The following AK4 variants were observed in gnomAD, a reference collection of about 807,000 sequenced individuals.
AK4 encodes adenylate kinase 4, mitochondrial.
AK4 carries 13 observed loss-of-function variants against 24.6 expected under a neutral mutation model. The ratio of observed to expected loss-of-function variants is 0.53; its 90% confidence interval spans 0.34 to 0.84. The LOEUF (loss-of-function observed/expected upper bound fraction) is 0.84. Ranked by LOEUF, AK4 falls within the 40% of genes least tolerant of loss-of-function variation. The pLI, the probability that AK4 is intolerant of heterozygous loss-of-function variation, is 0.01. For missense variants in AK4, 192 were observed against 288.2 expected, an observed-to-expected ratio of 0.67 and a Z score of 2.42; for synonymous variants, 88 against 107.0, an observed-to-expected ratio of 0.82 and a Z score of 1.10.
chr1:65,200,372 C>A (rs187193647), intron 2 of AK4, among the ~76,000 whole-genome samples: 1 of 152,278 alleles, frequency 6.6e-6, no homozygotes, highest in African/African-American at 2.4e-5. Flanking sequence ...ACCTCAGCCT[C>A]CCAAAGTGCT....
At chr1:65,152,398 T>A (rs1434364975) in intron 1 of AK4, among the ~76,000 whole-genome samples, 13 of 78,232 alleles carry the variant, frequency 1.7e-4, no homozygotes, top group African/African-American at 6.0e-4. Flanking sequence ...TTTTTTTTTT[T>A]TTTTTTTTTT....
At chr1:65,167,549 G>T (rs556124319) in intron 1 of AK4, among the ~76,000 whole-genome samples, 1 of 150,724 alleles carries the variant, frequency 6.6e-6, no homozygotes, top group African/African-American at 2.4e-5. Context: ...CAAAAAAAAT[G>T]CAAGATCTCC....
At chr1:65,193,132 G>A (rs1338037761) in intron 2 of AK4, among the ~76,000 whole-genome samples, 1 of 152,194 alleles carries the variant, frequency 6.6e-6, no homozygotes, top group Admixed American at 6.5e-5. Context: ...GTCTGCAGTG[G>A]CTCTGTTCTG....
chr1:65,198,121 G>A (rs7553495), intron 2 of AK4, among the ~76,000 whole-genome samples: 4,426 of 152,092 alleles, frequency 0.029, 179 homozygotes, highest in South Asian at 0.1. Context: ...ATATTTAGCC[G>A]TGAAAAATCA....
At chr1:65,158,050 A>G (rs987201328) in intron 1 of AK4, among the ~76,000 whole-genome samples, 2 of 152,174 alleles carry the variant, frequency 1.3e-5, no homozygotes, top group South Asian at 2.1e-4. Context: ...TTCTATTATC[A>G]TTTTAGTCCG....
At chr1:65,156,543 C>A (rs1315410557) in intron 1 of AK4, among the ~76,000 whole-genome samples, 1 of 152,048 alleles carries the variant, frequency 6.6e-6, no homozygotes. Context: ...GCCTCAGGTC[C>A]TTTTTAACAC....
chr1:65,190,555 A>C (rs1208457173), intron 1 of AK4, among the ~76,000 whole-genome samples, 155 bp from the exon 2 acceptor site: 1 of 152,080 alleles, frequency 6.6e-6, no homozygotes, highest in African/African-American at 2.4e-5. Flanking sequence ...CACCTTATTG[A>C]CGTGAATATT....
At position 65,153,119 on chromosome 1, in the gene AK4, T is replaced by C. The variant is rs145800803; in HGVS notation, c.145+4567T>C. Among the ~76,000 whole-genome samples, 661 of 152,320 alleles carry C rather than the reference T, an allele frequency of 4.3e-3. 5 individuals are homozygous for C. Among genetic ancestry groups the C allele is most frequent in the Non-Finnish European group, 7.1e-3 (481 of 68,026 alleles). Reference sequence around the variant, plus strand: ...CTCTCCAGTCCAAAGGTCCACTCCATATCCACTTATTGTTGCTTTTTTGGT... The same window carrying C: ...CTCTCCAGTCCAAAGGTCCACTCCACATCCACTTATTGTTGCTTTTTTGGT... On this transcript the variant is annotated intron_variant, in intron 1 of 4. Coordinates refer to ENST00000327299, the MANE Select transcript of AK4 (RefSeq NM_013410.4).
rs1023287986 is a variant in AK4, at chr1:65,148,785, G to T, written c.145+233G>T. 3.9e-5 allele frequency among the ~76,000 whole-genome samples: 6 copies of T among 152,126 alleles called. 1 individual carries two copies. Among genetic ancestry groups the T allele is most frequent in the Admixed American group, 3.9e-4 (6 of 15,282 alleles). On this transcript the variant is annotated intron_variant, in intron 1 of 4. Coordinates refer to ENST00000327299, the MANE Select transcript of AK4 (RefSeq NM_013410.4). ...GAGGTGCCCACGGCTCCTCTCCACC[G>T]CTCCTCCTGTCGCGAGGAATAGCCC...
chr1:65,148,170 T>A, upstream of AK4: 1 of 787,412 alleles, frequency 1.3e-6, no homozygotes, highest in Non-Finnish European at 1.8e-6. Flanking sequence ...GGCGAGGAGG[T>A]GGAGAAGGGC....
chr1:65,170,901 T>C (rs188052481), intron 1 of AK4, among the ~76,000 whole-genome samples: 8 of 152,078 alleles, frequency 5.3e-5, no homozygotes, highest in Admixed American at 4.6e-4. Context: ...GCTAGGTGTC[T>C]CCTTGTTAGG....
chr1:65,212,993 G>A (rs1570135242), intron 2 of AK4, among the ~76,000 whole-genome samples: 1 of 152,372 alleles, frequency 6.6e-6, no homozygotes, highest in South Asian at 2.1e-4. Context: ...TGGAAGCCAT[G>A]TAGTCCAGCT....
At chr1:65,183,569 A>T (rs956360892) in intron 1 of AK4, among the ~76,000 whole-genome samples, 2 of 151,700 alleles carry the variant, frequency 1.3e-5, no homozygotes, top group Non-Finnish European at 2.9e-5. Flanking sequence ...TTTGAGAGTC[A>T]TTCAGTCCCT....
At chr1:65,194,020 G>A (rs1014330087) in intron 2 of AK4, among the ~76,000 whole-genome samples, 1 of 152,218 alleles carries the variant, frequency 6.6e-6, no homozygotes, top group Non-Finnish European at 1.5e-5. Flanking sequence ...TAGCCTGAGA[G>A]GTTGAGGCAG....
At chr1:65,194,705 G>A (rs562646298) in intron 2 of AK4, among the ~76,000 whole-genome samples, 61 of 152,252 alleles carry the variant, frequency 4.0e-4, no homozygotes, top group African/African-American at 1.3e-3. Context: ...CAGATGATCC[G>A]CCCACCTCGG....
rs961028723 is a variant in AK4, at chr1:65,224,934, G to A, written c.557+64G>A. On this transcript the variant is annotated intron_variant, in intron 4 of 4. Coordinates refer to ENST00000327299, the MANE Select transcript of AK4 (RefSeq NM_013410.4). ...TGGAAAGGTGTGGAGCCTGCTGGGAGGAACACGGGGCTGAGGCAGAGTAGT... is the reference window on the plus strand; with the variant it reads ...TGGAAAGGTGTGGAGCCTGCTGGGAAGAACACGGGGCTGAGGCAGAGTAGT... 1.3e-5 allele frequency: 17 copies of A among 1,277,690 alleles called. 3 individuals are homozygous for A. The highest frequency in any genetic ancestry group is 1.1e-6 in the Non-Finnish European group (1 of 881,104). The allele number at this position is 1,277,690 out of a possible 1,614,324, so 79.1% of individuals were successfully genotyped here. A position where few individuals can be genotyped will look rare whatever the true frequency, so the allele number is the denominator to read the frequency against.
intron 2 of AK4, among the ~76,000 whole-genome samples, chr1:65,215,779 T>C (rs1338105683): frequency 6.6e-6 from 1 of 152,232 alleles, no homozygotes; most frequent in African/African-American, 2.4e-5. Context: ...CTGAGCAGAC[T>C]GGCTTGTTAC....
At position 65,218,831 on chromosome 1, in the gene AK4, C is replaced by G. The variant is rs1437840917; in HGVS notation, c.343C>G (p.Pro115Ala). 6.2e-7 allele frequency: 1 copy of G among 1,607,050 alleles called. No homozygotes were observed. The highest frequency in any genetic ancestry group is 8.5e-7 in the Non-Finnish European group (1 of 1,176,708). Residue 115 changes from proline (P) to alanine (A), a missense_variant, in exon 3 of 5, where the codon CCA (proline) becomes GCA (alanine). By Grantham distance (27) the Pro-to-Ala change is conservative. Coordinates refer to ENST00000327299, the MANE Select transcript of AK4 (RefSeq NM_013410.4). ...GGATCTAGTGATCAGTTTGAATATT[C>G]CATTTGAAACACTTAAAGATCGTCT... ...EVDLVISLNI[P>A]FETLKDRLSR...
intron 2 of AK4, among the ~76,000 whole-genome samples, chr1:65,204,877 T>C (rs1651768394): frequency 2.0e-5 from 3 of 152,236 alleles, no homozygotes; most frequent in South Asian, 4.1e-4. Flanking sequence ...CACTGGTTCT[T>C]TTACCCACCT....
Sources: gnomAD v4.1 joint callset for allele counts (sites outside exome capture counted in the v4.1 genomes callset) on GRCh38, gnomAD v4.1.1 for gene constraint, MANE v1.5 for transcripts, NCBI Gene and HGNC (gene_info 2026-07-23, HGNC 2026-07-21) for gene names.